The following CAMK2D variants were observed in gnomAD, a reference collection of about 807,000 sequenced individuals.
CAMK2D encodes the protein calcium/calmodulin-dependent protein kinase type II subunit delta.
In CAMK2D, 37 loss-of-function variants were observed where a neutral mutation model predicts 84.0. The observed-to-expected ratio is 0.44, with a 90% CI of 0.34 to 0.58. The LOEUF (loss-of-function observed/expected upper bound fraction) is 0.58, where lower values mean the gene tolerates loss of function less well. CAMK2D is among the 20% of genes least tolerant of loss of function. CAMK2D has a pLI of 0.02. For synonymous variants in CAMK2D, 202 were observed against 212.5 expected, an observed-to-expected ratio of 0.95 and a Z score of 0.43; for missense variants, 448 against 652.5, an observed-to-expected ratio of 0.69 and a Z score of 3.41.
rs113196673 is a variant in CAMK2D at position 113,697,972 on chromosome 4, T to C, written c.161-36200A>G. On this transcript the variant is annotated intron_variant, in intron 2 of 20. Coordinates refer to ENST00000511664, the MANE Select transcript of CAMK2D (RefSeq NM_001321571.2). Reference sequence around the variant, plus strand: ...AGTACAGATGTTCCTCAACTTATTATAGAGTTACATCCCAATAAACCCATC... The same window carrying C: ...AGTACAGATGTTCCTCAACTTATTACAGAGTTACATCCCAATAAACCCATC... 1.6e-3 allele frequency among the ~76,000 whole-genome samples: 236 copies of C among 152,204 alleles called. 1 individual carries two copies. Among genetic ancestry groups the C allele is most frequent in the African/African-American group, 5.4e-3 (226 of 41,556 alleles).
intron 12 of CAMK2D, among the ~76,000 whole-genome samples, chr4:113,510,917 C>T (rs17046126): frequency 0.32 from 48,715 of 151,858 alleles, 7,851 homozygotes; most frequent in Admixed American, 0.37. Context: ...TTGCCTTAGC[C>T]ATTATATTGT....
rs1310359819 is a variant in CAMK2D at position 113,451,173 on chromosome 4, T to C, written c.*3372A>G. 1.3e-5 allele frequency: 2 copies of C among 152,212 alleles called. No individual in the cohort carries two copies. Among genetic ancestry groups the C allele is most frequent in the Non-Finnish European group, 1.5e-5 (1 of 68,026 alleles). The allele number at this position is 152,212 out of a possible 1,614,324, so 9.4% of individuals were successfully genotyped here. On this transcript the variant is annotated 3_prime_UTR_variant, in exon 21 of 21. Transcript: ENST00000511664. Reference sequence around the variant, plus strand: ...ATTCCTTGAAAATTTCCTTAGAATATACTGATTTGCTACTACATTTCATTT... The same window carrying C: ...ATTCCTTGAAAATTTCCTTAGAATACACTGATTTGCTACTACATTTCATTT...
At chr4:113,648,974 TTCC>T (rs1364758002) in intron 3 of CAMK2D, among the ~76,000 whole-genome samples, 1 of 152,236 alleles carries the variant, frequency 6.6e-6, no homozygotes. Flanking sequence ...CCAATGTTTT[TTCC>T]TCCTTTGTTG....
intron 2 of CAMK2D, among the ~76,000 whole-genome samples, chr4:113,671,045 T>C (rs572957191): frequency 3.5e-4 from 54 of 152,346 alleles, no homozygotes; most frequent in African/African-American, 1.2e-3. Flanking sequence ...ATTTTGTTTT[T>C]CTTTTTTTGT....
At chr4:113,659,182 TGAGTTTCATAGGAG>T (rs2099216423) in intron 3 of CAMK2D, among the ~76,000 whole-genome samples, 1 of 152,162 alleles carries the variant, frequency 6.6e-6, no homozygotes, top group Non-Finnish European at 1.5e-5. Flanking sequence ...CCACAAAAAT[TGAGTTTCATAGGAG>T]GACCTGATAC....
At chr4:113,585,939 T>C (rs2098832426) in intron 4 of CAMK2D, among the ~76,000 whole-genome samples, 1 of 152,252 alleles carries the variant, frequency 6.6e-6, no homozygotes, top group Non-Finnish European at 1.5e-5. Context: ...TACCCACTTT[T>C]GGCCACATTG....
rs79365224 is a variant in CAMK2D at position 113,588,217 on chromosome 4, A to T, written c.275+20935T>A. On this transcript the variant is annotated intron_variant, in intron 4 of 20. Transcript: ENST00000511664. ...AAAGACTTCAATTGCTTAAATAATT[A>T]TAGCCATTAGTATCAGGCTCCCCGG... Among the ~76,000 whole-genome samples, 1,271 of 152,276 alleles carry T rather than the reference A, an allele frequency of 8.3e-3. 18 individuals carry two copies. Among genetic ancestry groups the T allele is most frequent in the African/African-American group, 0.029 (1,200 of 41,558 alleles).
intron 2 of CAMK2D, among the ~76,000 whole-genome samples, chr4:113,714,190 C>T (rs1300580999): frequency 6.6e-6 from 1 of 151,976 alleles, no homozygotes. Context: ...TATGATACCA[C>T]CTTTAAGAAA....
intron 13 of CAMK2D, 23 bp from the exon 14 acceptor site, chr4:113,505,058 A>C: frequency 6.6e-7 from 1 of 1,509,346 alleles, no homozygotes; most frequent in Non-Finnish European, 9.0e-7. Context: ...AGAAAATAGA[A>C]ACAGAGATGC....
chr4:113,717,609 C>T (rs1201696776), intron 2 of CAMK2D, among the ~76,000 whole-genome samples: 1 of 151,818 alleles, frequency 6.6e-6, no homozygotes, highest in East Asian at 1.9e-4. Context: ...TTTGTGAATA[C>T]CACTTGAAAT....
chr4:113,677,541 C>T (rs909586638), intron 2 of CAMK2D: 8 of 976,320 alleles, frequency 8.2e-6, no homozygotes, highest in Middle Eastern at 5.2e-4. Context: ...GTCTTACTTC[C>T]GTCAGACATG....
intron 2 of CAMK2D, among the ~76,000 whole-genome samples, chr4:113,692,616 TCA>T (rs992180512): frequency 1.3e-5 from 2 of 151,938 alleles, no homozygotes; most frequent in Admixed American, 6.6e-5. Context: ...ATACATATAG[TCA>T]CACATTCATA....
chr4:113,557,539 T>C (rs2154208015), intron 4 of CAMK2D, among the ~76,000 whole-genome samples: 1 of 152,364 alleles, frequency 6.6e-6, no homozygotes, highest in African/African-American at 2.4e-5. Flanking sequence ...GTAAGTGGTC[T>C]TTCTGCAGTG....
chr4:113,538,910 G>A (rs1002563646), intron 6 of CAMK2D, among the ~76,000 whole-genome samples: 2 of 152,122 alleles, frequency 1.3e-5, no homozygotes, highest in Non-Finnish European at 2.9e-5. Flanking sequence ...CGGTAAATGT[G>A]AGAAAACTTT....
In CAMK2D at chr4:113,757,774, G is replaced by C. The variant is rs555252503; in HGVS notation, c.160+1546C>G. 1.4e-3 allele frequency among the ~76,000 whole-genome samples: 214 copies of C among 152,212 alleles called. 2 individuals carry two copies. Among genetic ancestry groups the C allele is most frequent in the Non-Finnish European group, 2.6e-3 (174 of 67,974 alleles). On this transcript the variant is annotated intron_variant, in intron 2 of 20. Transcript: ENST00000511664. ...AAAAGATTCCATCAGGCCAAAGAAG[G>C]CTTCTTCTCCACAGATTGAAGGGAA... is the stretch of plus-strand genomic sequence containing the variant.
At chr4:113,542,455 C>A (rs1471496776) in intron 6 of CAMK2D, among the ~76,000 whole-genome samples, 1 of 152,098 alleles carries the variant, frequency 6.6e-6, no homozygotes, top group East Asian at 1.9e-4. Flanking sequence ...GTGGCTCGTG[C>A]GTGTAATCCC....
Position 113,698,730 on chromosome 4 carries a change from T to C in CAMK2D, c.161-36958A>G, listed in dbSNP as rs541110730. The stretch of plus-strand genomic sequence containing the variant: ...CTGTCTTTCCAAACATATTTTGTGA[T>C]AGGTATATGACATGTTGGATGAAAG... On this transcript the variant is annotated intron_variant, in intron 2 of 20. Transcript: ENST00000511664. Among the ~76,000 whole-genome samples the C allele has an allele frequency of 1.2e-4, 19 of 152,224 alleles. No individual in the cohort carries two copies. The South Asian group carries it at 3.9e-3, about 32-fold the overall frequency.
chr4:113,740,395 A>AT (rs2099590043), intron 2 of CAMK2D, among the ~76,000 whole-genome samples: 1 of 151,674 alleles, frequency 6.6e-6, no homozygotes, highest in African/African-American at 2.4e-5. Context: ...CAGAAAAAAA[A>AT]ATTGTATGAT....
At chr4:113,544,860 G>A (rs890011684) in intron 6 of CAMK2D, among the ~76,000 whole-genome samples, 1 of 152,038 alleles carries the variant, frequency 6.6e-6, no homozygotes, top group Non-Finnish European at 1.5e-5. Flanking sequence ...TGGTGCCGAT[G>A]GATGTACCTT....
Sources: gnomAD v4.1 joint callset for allele counts (sites outside exome capture counted in the v4.1 genomes callset) on GRCh38, gnomAD v4.1.1 for gene constraint, MANE v1.5 for transcripts, NCBI Gene and HGNC (gene_info 2026-07-23, HGNC 2026-07-21) for gene names.